The following SLC22A25 variants were observed in gnomAD, a reference collection of about 807,000 sequenced individuals.
The protein encoded by SLC22A25 is MGI:2442751, MGI:2385316, MGI:3042283, MGI:3645714, MGI:3605624, MGI:2442750.
In SLC22A25, 44 loss-of-function variants were observed where a neutral mutation model predicts 45.9. The ratio of observed to expected loss-of-function variants is 0.96; its 90% confidence interval spans 0.75 to 1.23. SLC22A25 has a LOEUF of 1.23. SLC22A25 is among the 50% of genes most tolerant of loss of function. The pLI is 0.00. For synonymous variants in SLC22A25, 283 were observed against 238.6 expected (o/e 1.19, Z -1.72); for missense variants, 800 against 666.4 (o/e 1.20, Z -2.21).
intron 9 of SLC22A25, among the ~76,000 whole-genome samples, chr11:63,169,022 TTAAAA>T (rs1229396019): frequency 6.6e-6 from 1 of 152,178 alleles, no homozygotes; most frequent in Non-Finnish European, 1.5e-5. Context: ...TTCAACATTC[TTAAAA>T]TAAAAGAATT....
intron 7 of SLC22A25, among the ~76,000 whole-genome samples, chr11:63,212,029 A>G (rs1011699453): frequency 5.3e-5 from 8 of 152,254 alleles, no homozygotes; most frequent in African/African-American, 1.9e-4. Flanking sequence ...ACACTTCTCA[A>G]AAGAAGACAT....
intron 7 of SLC22A25, among the ~76,000 whole-genome samples, chr11:63,193,080 A>C (rs888059856): frequency 3.9e-5 from 6 of 152,174 alleles, no homozygotes; most frequent in Admixed American, 2.0e-4. Context: ...TCACTTAATC[A>C]GAAGCAAAAC....
At chr11:63,236,241 G>T (rs2134857014) in intron 3 of SLC22A25, among the ~76,000 whole-genome samples, 1 of 152,346 alleles carries the variant, frequency 6.6e-6, no homozygotes, top group African/African-American at 2.4e-5. Flanking sequence ...GCCCCCAGAG[G>T]TGGAGCCTAC....
In SLC22A25 at chr11:63,160,204, A is replaced by C. The variant is rs144804059; in HGVS notation, c.*3620T>G. Among the ~76,000 whole-genome samples, 370 of 152,350 alleles carry C rather than the reference A, an allele frequency of 2.4e-3. 1 individual carries two copies. The highest frequency in any genetic ancestry group is 8.0e-3 in the African/African-American group (334 of 41,588). The stretch of plus-strand genomic sequence containing the variant: ...CTAAGACAATGGGGAAAATGTCTCC[A>C]GGGCATGTCAGAGACCTTTGTGACA... On this transcript the variant is annotated 3_prime_UTR_variant, in exon 12 of 12. Coordinates refer to ENST00000306494, the MANE Select transcript of SLC22A25 (RefSeq NM_199352.6).
At chr11:63,222,177 T>C (rs2089868465) in intron 5 of SLC22A25, among the ~76,000 whole-genome samples, 2 of 152,156 alleles carry the variant, frequency 1.3e-5, no homozygotes, top group African/African-American at 4.8e-5. Context: ...ATGTAATTGG[T>C]ATTTTGATAG....
chr11:63,180,698 G>A lies in SLC22A25; in HGVS notation c.1032C>T (p.Pro344=), dbSNP rs143038158. The A allele has an allele frequency of 6.6e-5, 106 of 1,612,896 alleles. No homozygotes were observed. Among genetic ancestry groups the A allele is most frequent in the Non-Finnish European group, 8.8e-5 (104 of 1,179,438 alleles). ...KHSLCELLRI[P]NICKRICFLS... ...GGAAACAGATTCTTTTACATATGTTGGGTATGCGGAGCAATTCACAAAGAG... is the reference window on the plus strand; with the variant it reads ...GGAAACAGATTCTTTTACATATGTTAGGTATGCGGAGCAATTCACAAAGAG... The change falls in exon 9 of 12, where the codon CCC becomes CCT. Residue 344 remains proline, a synonymous_variant. Coordinates refer to ENST00000306494, the MANE Select transcript of SLC22A25 (RefSeq NM_199352.6).
chr11:63,212,246 G>A (rs1381558402), intron 7 of SLC22A25, among the ~76,000 whole-genome samples: 1 of 151,420 alleles, frequency 6.6e-6, no homozygotes, highest in African/African-American at 2.4e-5. Context: ...CAACCATGTG[G>A]AAGACAGTGT....
At position 63,229,407 on chromosome 11, in the gene SLC22A25, ATTTGAGTC is replaced by A. The variant is rs553765175; in HGVS notation, c.238_245del (p.Asp80SerfsTer28). On this transcript the variant is annotated frameshift_variant, in exon 4 of 12. Transcript: ENST00000306494. LOFTEE classifies it high-confidence loss of function. ...AGCGACGACACTTCTCTGGCCTCAG[ATTTGAGTC>A]GAATGGGATGGAGATTCTCAGGAGG... is the stretch of plus-strand genomic sequence containing the variant. 1,007 of 1,613,980 alleles carry A rather than the reference ATTTGAGTC, an allele frequency of 6.2e-4. 2 individuals carry two copies. The highest frequency in any genetic ancestry group is 7.4e-4 in the Non-Finnish European group (872 of 1,179,982).
intron 7 of SLC22A25, among the ~76,000 whole-genome samples, chr11:63,207,173 A>G (rs570882409): frequency 6.6e-6 from 1 of 152,292 alleles, no homozygotes; most frequent in Admixed American, 6.5e-5. Context: ...ACCCTAGAAG[A>G]AAACCTAGGC....
chr11:63,166,342 C>A (rs1487018404), intron 9 of SLC22A25, 84 bp from the exon 10 acceptor site: 2 of 1,523,488 alleles, frequency 1.3e-6, no homozygotes, highest in South Asian at 2.6e-5. Context: ...CCCAGGTAGC[C>A]AAGGACTCTT....
chr11:63,218,158 A>G, intron 5 of SLC22A25: 2 of 434,774 alleles, frequency 4.6e-6, no homozygotes, highest in Non-Finnish European at 4.5e-6. Context: ...CTGGAATACT[A>G]TGTAGCCACA....
At chr11:63,239,586 A>G (rs542758797) in intron 1 of SLC22A25, among the ~76,000 whole-genome samples, 22 of 152,348 alleles carry the variant, frequency 1.4e-4, no homozygotes, top group Admixed American at 1.3e-3. Flanking sequence ...TTTCTTGTTC[A>G]GTATTGAATT....
chr11:63,166,363 A>G, intron 9 of SLC22A25, 105 bp from the exon 10 acceptor site: 2 of 1,477,758 alleles, frequency 1.4e-6, no homozygotes, highest in Non-Finnish European at 9.0e-7. Flanking sequence ...TAAAGTAAAA[A>G]GGCAGAGTGT....
intron 7 of SLC22A25, among the ~76,000 whole-genome samples, chr11:63,186,897 G>T (rs2088574497): frequency 6.6e-6 from 1 of 152,010 alleles, no homozygotes; most frequent in Non-Finnish European, 1.5e-5. Context: ...CTGTTCCATT[G>T]GTCTATATCT....
chr11:63,189,110 C>T (rs1057375367), intron 7 of SLC22A25, among the ~76,000 whole-genome samples: 4 of 152,170 alleles, frequency 2.6e-5, no homozygotes, highest in African/African-American at 9.7e-5. Flanking sequence ...TGTTAACTTT[C>T]TGTCTCATTG....
intron 7 of SLC22A25, among the ~76,000 whole-genome samples, chr11:63,186,594 G>C (rs536954267): frequency 6.6e-6 from 1 of 152,064 alleles, no homozygotes; most frequent in Non-Finnish European, 1.5e-5. Context: ...ATTGCTTTTG[G>C]TGTTTTAGAC....
chr11:63,230,471 A>C (rs1723197), intron 3 of SLC22A25, among the ~76,000 whole-genome samples: 3,240 of 152,318 alleles, frequency 0.021, 82 homozygotes, highest in African/African-American at 0.062. Flanking sequence ...GATAGAGTAC[A>C]TAAACAATTG....
Position 63,217,714 on chromosome 11 carries a change from G to T in SLC22A25, c.528C>A (p.Leu176=). 1 of 1,609,324 alleles carries T rather than the reference G, an allele frequency of 6.2e-7. No individual in the cohort carries two copies. The highest frequency in any genetic ancestry group is 8.5e-7 in the Non-Finnish European group (1 of 1,178,846). ...LSDRFGRKFV[L]RWSYLQLAIV... ...TGGCGAGCTGGAGGTAAGACCATCT[G>T]AGCACGAACTTTCTCCCAAACCTGA... Residue 176 remains leucine (L), a synonymous_variant, in exon 6 of 12, where the codon CTC becomes CTA. Transcript: ENST00000306494.
At chr11:63,198,101 T>C (rs12289480) in intron 7 of SLC22A25, among the ~76,000 whole-genome samples, 75,376 of 152,014 alleles carry the variant, frequency 0.5, 19,517 homozygotes, top group Non-Finnish European at 0.57. Context: ...TGTGGAGAAA[T>C]AGGAACACTT....
Sources: gnomAD v4.1 joint callset for allele counts (sites outside exome capture counted in the v4.1 genomes callset) on GRCh38, gnomAD v4.1.1 for gene constraint, MANE v1.5 for transcripts, NCBI Gene and HGNC (gene_info 2026-07-23, HGNC 2026-07-21) for gene names.